The following ABCA12 variants were observed in gnomAD, a reference collection of about 807,000 sequenced individuals.
ABCA12 encodes the protein ATP binding cassette subfamily A member 12, also known as glucosylceramide transporter ABCA12.
Under a neutral mutation model 293.5 loss-of-function variants are expected in ABCA12, and 156 were observed. The observed-to-expected ratio is 0.53, with a 90% CI of 0.47 to 0.61. ABCA12 has a LOEUF of 0.61. Ranked by LOEUF, ABCA12 falls within the 20% of genes least tolerant of loss-of-function variation. The probability of loss-of-function intolerance (pLI) is 0.00; values close to 1 mark genes in which losing one functional copy is unlikely to be tolerated. For missense variants in ABCA12, 2,797 were observed against 3,090.2 expected (o/e 0.91, Z 2.25); for synonymous variants, 1,063 against 1,108.0 (o/e 0.96, Z 0.81).
At position 215,119,741 on chromosome 2, in the gene ABCA12, A is replaced by G. The variant is rs187673576; in HGVS notation, c.70-8051T>C. Among the ~76,000 whole-genome samples, 285 of 144,310 alleles carry G rather than the reference A, an allele frequency of 2.0e-3. 2 individuals carry two copies. The highest frequency in any genetic ancestry group is 0.01 in the Middle Eastern group (3 of 292). 94.7% of individuals were successfully genotyped at this position (144,310 alleles called of 152,430 possible). Reference sequence around the variant, plus strand: ...ATGGCCATCATTAAAAAGTAAAAAAAAAAAAAAAAAATGAAAACAAAACAA... The same window carrying G: ...ATGGCCATCATTAAAAAGTAAAAAAGAAAAAAAAAAATGAAAACAAAACAA... On this transcript the variant is annotated intron_variant, in intron 1 of 52. Transcript: ENST00000272895.
chr2:214,936,664 T>C (rs1263924628), intron 51 of ABCA12, among the ~76,000 whole-genome samples: 1 of 152,218 alleles, frequency 6.6e-6, no homozygotes, highest in African/African-American at 2.4e-5. Flanking sequence ...ATATGTGAGA[T>C]GAGATCAACT....
intron 45 of ABCA12, among the ~76,000 whole-genome samples, chr2:214,949,931 T>G (rs900846653): frequency 3.3e-5 from 5 of 152,140 alleles, no homozygotes; most frequent in Admixed American, 2.6e-4. Flanking sequence ...ATAATAACTT[T>G]TGCACCAACC....
intron 22 of ABCA12, chr2:214,999,917 T>C (rs1446906937): frequency 1.5e-6 from 1 of 679,298 alleles, no homozygotes; most frequent in East Asian, 1.3e-4. Flanking sequence ...CAATACCATC[T>C]GAATTGTATA....
intron 50 of ABCA12, among the ~76,000 whole-genome samples, chr2:214,938,674 G>A (rs945812181): frequency 3.9e-5 from 6 of 152,152 alleles, no homozygotes; most frequent in African/African-American, 1.4e-4. Flanking sequence ...GCGTGAGATG[G>A]TATGTCATGG....
At chr2:214,965,508 G>C (rs537697052) in intron 39 of ABCA12, among the ~76,000 whole-genome samples, 11 of 152,094 alleles carry the variant, frequency 7.2e-5, no homozygotes, top group African/African-American at 2.4e-4. Flanking sequence ...AATATCCAGA[G>C]TCTTTAAAGA....
At chr2:214,948,559 G>C (rs1427855608) in intron 47 of ABCA12, 37 bp downstream of exon 47, 6 of 1,609,308 alleles carry the variant, frequency 3.7e-6, no homozygotes, top group Non-Finnish European at 5.1e-6. Context: ...AAACAATAAT[G>C]GTTTCAAATT....
intron 5 of ABCA12, chr2:215,050,812 C>T (rs1360788920): frequency 1.0e-6 from 1 of 985,170 alleles, no homozygotes; most frequent in Non-Finnish European, 1.2e-6. Flanking sequence ...GATTTCTCTA[C>T]TCATTCTTGC....
At chr2:215,043,965 T>G (rs1471927990) in intron 7 of ABCA12, among the ~76,000 whole-genome samples, 1 of 152,132 alleles carries the variant, frequency 6.6e-6, no homozygotes, top group East Asian at 1.9e-4. Flanking sequence ...CAGCATAATA[T>G]TAATGAGACT....
intron 10 of ABCA12, 89 bp downstream of exon 10, chr2:215,026,730 TC>T: frequency 1.8e-6 from 2 of 1,087,370 alleles, no homozygotes; most frequent in Non-Finnish European, 2.8e-6. Context: ...AAATTTTCTT[TC>T]CTGTGTAAGC....
intron 1 of ABCA12, among the ~76,000 whole-genome samples, chr2:215,125,573 T>C (rs1702904785): frequency 6.6e-6 from 1 of 152,134 alleles, no homozygotes. Flanking sequence ...TAAAAGGGGC[T>C]GAGCTCTTGA....
At chr2:214,959,103 TTAG>T (rs1437632794) in intron 39 of ABCA12, 25 bp from the exon 40 acceptor site, 1 of 1,595,922 alleles carries the variant, frequency 6.3e-7, no homozygotes, top group Non-Finnish European at 8.6e-7. Context: ...AGTTCTTCTA[TTAG>T]TAGGTATTCA....
intron 33 of ABCA12, among the ~76,000 whole-genome samples, chr2:214,977,905 A>C (rs544529815): frequency 4.4e-5 from 3 of 67,590 alleles, no homozygotes; most frequent in South Asian, 9.0e-4. Context: ...CCTTTTTTTT[A>C]TGACTATTGT....
chr2:215,101,989 T>C (rs1429300236), intron 2 of ABCA12, among the ~76,000 whole-genome samples: 2 of 152,218 alleles, frequency 1.3e-5, no homozygotes, highest in African/African-American at 2.4e-5. Context: ...TTCTAAACTA[T>C]TGTCTAGTCC....
intron 5 of ABCA12, among the ~76,000 whole-genome samples, chr2:215,051,079 G>C (rs1156743296): frequency 1.3e-5 from 2 of 152,068 alleles, no homozygotes; most frequent in African/African-American, 4.8e-5. Context: ...TAGCATTTTG[G>C]AGAATAGCAT....
rs200040916 is a variant in ABCA12, at chr2:215,072,320, A to ATT, written c.164-8103_164-8102dup. 1.6e-3 allele frequency among the ~76,000 whole-genome samples: 236 copies of ATT among 152,230 alleles called. 3 individuals carry two copies. In the East Asian group the frequency reaches 0.038, roughly 24 times the overall value. Reference sequence around the variant, plus strand: ...GTCCCTATGGATAGGACATAGGGACATTTTTTGTACCTTGAGACTCTGGCT... The same window carrying ATT: ...GTCCCTATGGATAGGACATAGGGACATTTTTTTTGTACCTTGAGACTCTGGCT... On this transcript the variant is annotated intron_variant, in intron 2 of 52. Transcript: ENST00000272895.
rs925844991 is a variant in ABCA12 at position 214,945,073 on chromosome 2, G to A, written c.7271C>T (p.Ser2424Leu). The A allele has an allele frequency of 8.7e-6, 14 of 1,613,540 alleles. No individual in the cohort carries two copies. The highest frequency in any genetic ancestry group is 4.5e-5 in the East Asian group (2 of 44,852). ...DEPSSGMDPK[S>L]KRHLWKIISE... ...AATGATCTTCCAGAGGTGCCGTTTCGACTTCGGATCCATGCCAGAGCTCGG... is the reference window on the plus strand; with the variant it reads ...AATGATCTTCCAGAGGTGCCGTTTCAACTTCGGATCCATGCCAGAGCTCGG... Residue 2424 changes from serine to leucine, a missense_variant, in exon 49 of 53, where the codon TCG (serine) becomes TTG (leucine). Ser to Leu is a moderately radical substitution (Grantham distance 145, BLOSUM62 -2). This residue lies in a region of ABCA12 where 2,130 missense variants were observed against 2,427.0 expected (regional missense o/e 0.88). Transcript: ENST00000272895.
At chr2:215,001,521 C>A (rs757101880) in intron 21 of ABCA12, 37 bp downstream of exon 21, 1 of 1,612,992 alleles carries the variant, frequency 6.2e-7, no homozygotes, top group Admixed American at 1.7e-5. Flanking sequence ...AATTTTAGCA[C>A]AAAGAGATGC....
At chr2:214,971,563 A>G (rs1278212977) in intron 36 of ABCA12, among the ~76,000 whole-genome samples, 4 of 152,102 alleles carry the variant, frequency 2.6e-5, no homozygotes, top group African/African-American at 4.8e-5. Context: ...GCCTATTTTT[A>G]TATTTTATAT....
intron 28 of ABCA12, 37 bp from the exon 29 acceptor site, chr2:214,983,902 A>G (rs997141747): frequency 1.5e-5 from 24 of 1,575,082 alleles, no homozygotes; most frequent in Non-Finnish European, 2.1e-5. Flanking sequence ...GTATAAGCCA[A>G]GCATTGAAGC....
Sources: gnomAD v4.1 joint callset for allele counts (sites outside exome capture counted in the v4.1 genomes callset) on GRCh38, gnomAD v4.1.1 for gene constraint, gnomAD v4.1.1 regional missense constraint, MANE v1.5 for transcripts, NCBI Gene and HGNC (gene_info 2026-07-23, HGNC 2026-07-21) for gene names.